The following CACNB4 variants were observed in gnomAD, a reference collection of about 807,000 sequenced individuals.
The protein encoded by CACNB4 is voltage-dependent L-type calcium channel subunit beta-4.
Under a neutral mutation model 71.2 loss-of-function variants are expected in CACNB4, and 32 were observed. The ratio of observed to expected loss-of-function variants is 0.45; its 90% CI spans 0.34 to 0.60. The LOEUF (loss-of-function observed/expected upper bound fraction) is 0.60. Among genes scored for constraint, CACNB4 ranks in the 20% least tolerant of loss-of-function variants. The probability of loss-of-function intolerance (pLI) is 0.01; values close to 1 mark genes in which losing one functional copy is unlikely to be tolerated. For synonymous variants in CACNB4, 231 were observed against 236.9 expected, an observed-to-expected ratio of 0.97 and a Z score of 0.23; for missense variants, 464 against 647.9, an observed-to-expected ratio of 0.72 and a Z score of 3.08.
At chr2:151,988,634 G>A (rs1371206557) in intron 2 of CACNB4, among the ~76,000 whole-genome samples, 2 of 152,168 alleles carry the variant, frequency 1.3e-5, no homozygotes, top group East Asian at 3.9e-4. Context: ...TAGAGTCGGG[G>A]TCTGGGGAGG....
intron 2 of CACNB4, among the ~76,000 whole-genome samples, chr2:152,093,252 G>A (rs193286105): frequency 6.6e-6 from 1 of 152,118 alleles, no homozygotes; most frequent in African/African-American, 2.4e-5. Context: ...CTCTAGATAT[G>A]CTCTATTCTT....
At chr2:152,006,994 G>C (rs748543745) in intron 2 of CACNB4, among the ~76,000 whole-genome samples, 5 of 152,098 alleles carry the variant, frequency 3.3e-5, no homozygotes, top group Non-Finnish European at 7.4e-5. Context: ...CATCTATAAA[G>C]CAGGGCTAAT....
intron 2 of CACNB4, among the ~76,000 whole-genome samples, chr2:152,096,206 G>A (rs993055608): frequency 6.6e-6 from 1 of 152,040 alleles, no homozygotes; most frequent in Non-Finnish European, 1.5e-5. Context: ...TAAGTAGCCC[G>A]GGCATGGTGG....
chr2:151,906,250 TTAAA>T (rs1578734584), intron 2 of CACNB4, among the ~76,000 whole-genome samples: 1 of 152,174 alleles, frequency 6.6e-6, no homozygotes, highest in Admixed American at 6.5e-5. Flanking sequence ...ACCAACCCCT[TTAAA>T]TAAGAACTTC....
intron 2 of CACNB4, among the ~76,000 whole-genome samples, chr2:151,974,722 G>T (rs1466737805): frequency 6.6e-6 from 1 of 150,978 alleles, no homozygotes; most frequent in East Asian, 1.9e-4. Context: ...TCCACCTGCT[G>T]CTCCACACCG....
At chr2:151,891,325 T>C (rs1373905137) in intron 2 of CACNB4, among the ~76,000 whole-genome samples, 1 of 151,976 alleles carries the variant, frequency 6.6e-6, no homozygotes, top group Non-Finnish European at 1.5e-5. Flanking sequence ...CAGATAGAGA[T>C]GGAAAGGAAA....
chr2:152,094,926 ACAT>A (rs1377266385), intron 2 of CACNB4, among the ~76,000 whole-genome samples: 1 of 152,214 alleles, frequency 6.6e-6, no homozygotes, highest in Non-Finnish European at 1.5e-5. Flanking sequence ...TTGCTGTAAA[ACAT>A]CATTCCTTTC....
chr2:152,067,936 T>C (rs943731875), intron 2 of CACNB4, among the ~76,000 whole-genome samples: 1 of 152,182 alleles, frequency 6.6e-6, no homozygotes, highest in Admixed American at 6.5e-5. Context: ...AGAGGTAATA[T>C]TAAAATTATA....
Position 152,032,463 on chromosome 2 carries a change from C to T in CACNB4, c.147+65867G>A, listed in dbSNP as rs538702567. 9.2e-5 allele frequency among the ~76,000 whole-genome samples: 14 copies of T among 152,212 alleles called. No individual in the cohort carries two copies. The South Asian group carries it at 1.5e-3, about 16-fold the overall frequency. ...TTGATGGTGGCACATCTAACTCAGT[C>T]GGTCATGATTTTAAGAAAGCCACAA... On this transcript the variant is annotated intron_variant, in intron 2 of 13. Coordinates refer to ENST00000539935, the MANE Select transcript of CACNB4 (RefSeq NM_000726.5).
At chr2:151,989,948 T>C (rs921087730) in intron 2 of CACNB4, among the ~76,000 whole-genome samples, 1 of 152,210 alleles carries the variant, frequency 6.6e-6, no homozygotes, top group Non-Finnish European at 1.5e-5. Context: ...CTAACAACTT[T>C]TGAACCTCTC....
chr2:152,056,323 T>A (rs543742368), intron 2 of CACNB4, among the ~76,000 whole-genome samples: 1 of 149,918 alleles, frequency 6.7e-6, no homozygotes, highest in Non-Finnish European at 1.5e-5. Context: ...ATCACGCCAC[T>A]GCACTCCAGC....
chr2:151,997,875 T>C (rs1276068590), intron 2 of CACNB4, among the ~76,000 whole-genome samples: 3 of 152,210 alleles, frequency 2.0e-5, no homozygotes, highest in Non-Finnish European at 4.4e-5. Context: ...TTAATCCCTT[T>C]TTAATACATG....
intron 12 of CACNB4, among the ~76,000 whole-genome samples, chr2:151,849,984 T>C (rs563253000): frequency 6.6e-6 from 1 of 152,236 alleles, no homozygotes; most frequent in African/African-American, 2.4e-5. Flanking sequence ...AGAGCAGAGA[T>C]GAGTAGTTTT....
intron 2 of CACNB4, among the ~76,000 whole-genome samples, chr2:152,016,121 C>A (rs1027261339): frequency 2.0e-5 from 3 of 152,108 alleles, no homozygotes. Flanking sequence ...CTGCTATAAA[C>A]GACAAAGTGA....
intron 2 of CACNB4, among the ~76,000 whole-genome samples, chr2:152,032,593 A>G (rs2105196429): frequency 6.6e-6 from 1 of 152,344 alleles, no homozygotes; most frequent in South Asian, 2.1e-4. Flanking sequence ...GAATTCAAAA[A>G]AATCTAAATG....
At chr2:152,020,257 T>C (rs1683582047) in intron 2 of CACNB4, among the ~76,000 whole-genome samples, 1 of 152,208 alleles carries the variant, frequency 6.6e-6, no homozygotes, top group South Asian at 2.1e-4. Flanking sequence ...TCTATGTCCA[T>C]TTGGGTTTTG....
At chr2:151,885,406 G>A (rs745772244) in intron 2 of CACNB4, among the ~76,000 whole-genome samples, 8 of 152,168 alleles carry the variant, frequency 5.3e-5, no homozygotes, top group Non-Finnish European at 1.2e-4. Context: ...CTCAAACTCA[G>A]GTAGTTCAGC....
At chr2:151,992,274 CAG>C (rs930256115) in intron 2 of CACNB4, among the ~76,000 whole-genome samples, 3 of 152,190 alleles carry the variant, frequency 2.0e-5, no homozygotes, top group African/African-American at 7.2e-5. Context: ...CAAAAAGTGC[CAG>C]CCAGAGTTAT....
intron 2 of CACNB4, among the ~76,000 whole-genome samples, chr2:152,096,308 C>G (rs933867213): frequency 6.7e-6 from 1 of 149,468 alleles, no homozygotes; most frequent in African/African-American, 2.5e-5. Flanking sequence ...ACGGTGAAAC[C>G]CTGTCTCCAC....
Sources: gnomAD v4.1 joint callset for allele counts (sites outside exome capture counted in the v4.1 genomes callset) on GRCh38, gnomAD v4.1.1 for gene constraint, MANE v1.5 for transcripts, NCBI Gene and HGNC (gene_info 2026-07-23, HGNC 2026-07-21) for gene names.